CFAP47: variants seen among roughly 807,000 people sequenced by gnomAD.
The protein encoded by CFAP47 is cilia and flagella associated protein 47.
CFAP47 carries 29 observed loss-of-function variants against 148.1 expected under a neutral mutation model. The observed-to-expected ratio is 0.20, with a 90% CI of 0.15 to 0.27. The LOEUF (loss-of-function observed/expected upper bound fraction) is 0.27, where lower values mean the gene tolerates loss of function less well. CFAP47 is among the 10% of genes least tolerant of loss of function. The pLI, the probability that CFAP47 is intolerant of heterozygous loss-of-function variation, is 1.00. For missense variants in CFAP47, 1,872 were observed against 1,697.5 expected (o/e 1.10, Z -1.81); for synonymous variants, 664 against 577.3 (o/e 1.15, Z -2.15).
intron 57 of CFAP47, among the ~76,000 whole-genome samples, chrX:36,329,196 T>A (rs782684497): frequency 1.8e-5 from 2 of 111,623 alleles, no homozygotes; most frequent in South Asian, 3.8e-4. Flanking sequence ...ATAAAGATTA[T>A]CATCACTGGT....
rs781839330 is a variant in CFAP47 at position 36,229,123 on chromosome X, C to T, written c.7014+299C>T. ...TTATGGACTCTCAGGTCACTCTACT[C>T]TAAATTCTGTTGTGATCTAACACTT... is the stretch of plus-strand genomic sequence containing the variant. On this transcript the variant is annotated intron_variant, in intron 46 of 63. Coordinates refer to ENST00000378653, the MANE Select transcript of CFAP47 (RefSeq NM_001304548.2). 3.6e-5 allele frequency among the ~76,000 whole-genome samples: 4 copies of T among 111,673 alleles called. No homozygotes were observed. In the South Asian group the frequency reaches 1.5e-3, roughly 41 times the overall value.
At chrX:35,954,907 ACAT>A (rs1337533246) in intron 7 of CFAP47, among the ~76,000 whole-genome samples, 1 of 112,373 alleles carries the variant, frequency 8.9e-6, no homozygotes, top group Non-Finnish European at 1.9e-5. Context: ...TTGGGTCTGC[ACAT>A]GGGAATCTGA....
At chrX:36,169,204 A>G (rs1939534579) in intron 39 of CFAP47, among the ~76,000 whole-genome samples, 1 of 111,433 alleles carries the variant, frequency 9.0e-6, no homozygotes, top group Admixed American at 9.6e-5. Context: ...AAGATTGTCT[A>G]TATCTTAGCC....
At chrX:36,179,532 G>A (rs1023204462) in intron 40 of CFAP47, 110 bp downstream of exon 40, 1 of 269,543 alleles carries the variant, frequency 3.7e-6, no homozygotes, top group African/African-American at 2.8e-5. Context: ...TATTCAAAAT[G>A]TTTAATTTAC....
chrX:36,167,141 C>T lies in CFAP47; in HGVS notation c.6026+6372C>T, dbSNP rs968260344. 2.5e-4 allele frequency among the ~76,000 whole-genome samples: 28 copies of T among 112,048 alleles called. No individual in the cohort carries two copies. In the Admixed American group the frequency reaches 2.6e-3, roughly 10 times the overall value. ...ACTAACAGGCCTGTAGTTTAGCTTG[C>T]ATCTTTGTTGATCTACCAATCTCCA... On this transcript the variant is annotated intron_variant, in intron 39 of 63. Coordinates refer to ENST00000378653, the MANE Select transcript of CFAP47 (RefSeq NM_001304548.2).
chrX:36,372,159 G>A (rs945845817), intron 62 of CFAP47, among the ~76,000 whole-genome samples: 18 of 107,610 alleles, frequency 1.7e-4, no homozygotes, highest in Non-Finnish European at 3.3e-4. Flanking sequence ...CCACAGCTGA[G>A]TCTCCATTTA....
At chrX:36,356,250 TC>T (rs1245550891) in intron 60 of CFAP47, among the ~76,000 whole-genome samples, 1 of 111,496 alleles carries the variant, frequency 9.0e-6, no homozygotes, top group Non-Finnish European at 1.9e-5. Context: ...TCTCCACCCG[TC>T]ATTCTCTCTA....
chrX:36,320,070 C>T (rs782020317), intron 57 of CFAP47, among the ~76,000 whole-genome samples: 59 of 111,423 alleles, frequency 5.3e-4, no homozygotes, highest in African/African-American at 1.9e-3. Flanking sequence ...AGGTGATCCA[C>T]CTGCCTTGGC....
intron 57 of CFAP47, among the ~76,000 whole-genome samples, chrX:36,324,217 C>CT (rs2146969252): frequency 9.0e-6 from 1 of 111,596 alleles, no homozygotes; most frequent in Admixed American, 9.5e-5. Context: ...TTGCAGTATT[C>CT]TTTTTTCTCT....
At chrX:36,275,446 G>A (rs1941005693) in intron 49 of CFAP47, among the ~76,000 whole-genome samples, 2 of 109,497 alleles carry the variant, frequency 1.8e-5, no homozygotes, top group Admixed American at 2.0e-4. Context: ...GTGTGTGTGT[G>A]TGTGTGTGTG....
At chrX:36,371,760 GTGTGTATATACACACA>G (rs1217559518) in intron 62 of CFAP47, among the ~76,000 whole-genome samples, 4 of 55,056 alleles carry the variant, frequency 7.3e-5, no homozygotes, top group East Asian at 6.6e-4. Context: ...ATACACACAT[GTGTGTATATACACACA>G]TGTGTATATA....
intron 39 of CFAP47, among the ~76,000 whole-genome samples, chrX:36,165,086 T>C (rs1939473997): frequency 8.9e-6 from 1 of 112,112 alleles, no homozygotes; most frequent in African/African-American, 3.2e-5. Flanking sequence ...CTTAGCATAA[T>C]GTCCTCCAGG....
chrX:36,117,567 C>T (rs1938663041), intron 33 of CFAP47, among the ~76,000 whole-genome samples: 1 of 111,726 alleles, frequency 9.0e-6, no homozygotes, highest in South Asian at 3.7e-4. Flanking sequence ...CTATTCAAAC[C>T]TTTTGCCCAT....
At chrX:36,268,493 T>C (rs1318120190) in intron 49 of CFAP47, among the ~76,000 whole-genome samples, 1 of 112,942 alleles carries the variant, frequency 8.9e-6, no homozygotes, top group Non-Finnish European at 1.9e-5. Flanking sequence ...AGATGCTCTA[T>C]TGAATATAAA....
chrX:36,299,101 C>T lies in CFAP47; in HGVS notation c.7811C>T (p.Thr2604Ile). The T allele has an allele frequency of 8.9e-7, 1 of 1,120,949 alleles. No homozygotes were observed. The highest frequency in any genetic ancestry group is 1.2e-6 in the Non-Finnish European group (1 of 840,943). 92.4% of individuals were successfully genotyped at this position (1,120,949 alleles called of 1,213,427 possible). A position where few individuals can be genotyped will look rare whatever the true frequency, so the allele number is the denominator to read the frequency against. ...NEIILSPLQCTKYIVWYSPAT... is the reference protein window; with the variant it reads ...NEIILSPLQCIKYIVWYSPAT... ...ATTATCCTGAGTCCACTACAGTGCA[C>T]CAAATATATTGTATGGTATTCTCCA... The change falls in exon 52 of 64, where the codon ACC becomes ATC. Residue 2604 changes from threonine to isoleucine, a missense_variant. Thr to Ile is a moderately conservative substitution (Grantham distance 89). Coordinates refer to ENST00000378653, the MANE Select transcript of CFAP47 (RefSeq NM_001304548.2).
intron 30 of CFAP47, among the ~76,000 whole-genome samples, chrX:36,093,290 G>A (rs1938217253): frequency 9.0e-6 from 1 of 111,209 alleles, no homozygotes; most frequent in Non-Finnish European, 1.9e-5. Context: ...GGGATTGCTG[G>A]ATTTTGAGGT....
At chrX:36,081,445 T>C (rs1017050554) in intron 29 of CFAP47, among the ~76,000 whole-genome samples, 1 of 111,438 alleles carries the variant, frequency 9.0e-6, no homozygotes, top group East Asian at 2.8e-4. Flanking sequence ...TTATACTGAT[T>C]CTATTCCAAA....
At position 35,970,019 on chromosome X, in the gene CFAP47, C is replaced by T. The variant is rs541064687; in HGVS notation, c.1815-749C>T. ...TGTTGGTGTGCTGCACCCATTAACT[C>T]GTCATTTATATTAGGTATATCTCCT... On this transcript the variant is annotated intron_variant, in intron 10 of 63. Transcript: ENST00000378653. 2.5e-4 allele frequency among the ~76,000 whole-genome samples: 27 copies of T among 108,767 alleles called. No homozygotes were observed. In the South Asian group the frequency reaches 6.1e-3, roughly 25 times the overall value. 94.5% of individuals were successfully genotyped at this position (108,767 alleles called of 115,157 possible).
chrX:36,183,179 G>A (rs1319708072), intron 40 of CFAP47, among the ~76,000 whole-genome samples: 1 of 110,917 alleles, frequency 9.0e-6, no homozygotes, highest in Admixed American at 9.6e-5. Context: ...ACATAGTGGC[G>A]GGTGCCACTA....
Sources: gnomAD v4.1 joint callset for allele counts (sites outside exome capture counted in the v4.1 genomes callset) on GRCh38, gnomAD v4.1.1 for gene constraint, MANE v1.5 for transcripts, NCBI Gene and HGNC (gene_info 2026-07-23, HGNC 2026-07-21) for gene names.